The following MTUS1 variants were observed in gnomAD, a reference collection of about 807,000 sequenced individuals.
The protein encoded by MTUS1 is microtubule associated scaffold protein 1, also known as microtubule-associated tumor suppressor 1.
Under a neutral mutation model 120.8 loss-of-function variants are expected in MTUS1, and 109 were observed. The observed-to-expected ratio is 0.90, with a 90% confidence interval of 0.77 to 1.06. The LOEUF (loss-of-function observed/expected upper bound fraction) is 1.06. Ranked by LOEUF, MTUS1 falls within the 50% of genes least tolerant of loss-of-function variation. The pLI, the probability that MTUS1 is intolerant of heterozygous loss-of-function variation, is 0.00. For synonymous variants in MTUS1, 737 were observed against 550.5 expected, an observed-to-expected ratio of 1.34 and a Z score of -4.74; for missense variants, 2,210 against 1,486.3, an observed-to-expected ratio of 1.49 and a Z score of -8.01.
intron 1 of MTUS1, among the ~76,000 whole-genome samples, chr8:17,785,320 A>G (rs1408282068): frequency 6.6e-6 from 1 of 152,206 alleles, no homozygotes; most frequent in Non-Finnish European, 1.5e-5. Context: ...CTCCACTGTT[A>G]CAGATATGGA....
chr8:17,779,007 C>G (rs1419032022), intron 1 of MTUS1, among the ~76,000 whole-genome samples: 1 of 152,062 alleles, frequency 6.6e-6, no homozygotes, highest in Non-Finnish European at 1.5e-5. Context: ...AAAATAGACA[C>G]AACTATACAA....
At chr8:17,796,981 G>A (rs757366373) in intron 1 of MTUS1, among the ~76,000 whole-genome samples, 33 of 148,962 alleles carry the variant, frequency 2.2e-4, no homozygotes, top group African/African-American at 5.7e-4. Context: ...GCATGGTGGC[G>A]CACACCTGTA....
intron 4 of MTUS1, chr8:17,722,660 T>C (rs1366895163): frequency 4.4e-6 from 3 of 678,108 alleles, no homozygotes; most frequent in African/African-American, 2.0e-5. Context: ...CTACAAAAAA[T>C]GCATTCTCAA....
At position 17,796,845 on chromosome 8, in the gene MTUS1, G is replaced by A. The variant is rs539244909; in HGVS notation, c.-155+4216C>T. ...GCCGGACTTTTAGGCCAGACACAGC[G>A]GCTCACGCTTGTAATCCCAGCATTT... On this transcript the variant is annotated intron_variant, in intron 1 of 14. Coordinates refer to ENST00000693296, the MANE Select transcript of MTUS1 (RefSeq NM_001363059.2). Among the ~76,000 whole-genome samples, 9 of 152,264 alleles carry A rather than the reference G, an allele frequency of 5.9e-5. No individual in the cohort carries two copies. The South Asian group carries it at 1.9e-3, about 32-fold the overall frequency.
rs190461774 is a variant in MTUS1, at chr8:17,779,209, A to C, written c.-155+21852T>G. 4.5e-4 allele frequency among the ~76,000 whole-genome samples: 68 copies of C among 152,338 alleles called. 1 individual carries two copies. The highest frequency in any genetic ancestry group is 2.0e-3 in the Admixed American group (31 of 15,294). On this transcript the variant is annotated intron_variant, in intron 1 of 14. Transcript: ENST00000693296. ...TAGTTAACAGCAACTCAACTGTTTC[A>C]ACATGTGACGGGTGGTTACAGTTTA...
chr8:17,782,222 T>C (rs1023691552), intron 1 of MTUS1, among the ~76,000 whole-genome samples: 3 of 152,156 alleles, frequency 2.0e-5, no homozygotes, highest in Non-Finnish European at 4.4e-5. Flanking sequence ...TGTAACAGCT[T>C]TGGGAAAAGG....
intron 10 of MTUS1, 29 bp from the exon 11 acceptor site, chr8:17,653,527 C>A (rs1807513615): frequency 6.6e-7 from 1 of 1,504,578 alleles, no homozygotes. Flanking sequence ...ATTTTTGAGG[C>A]AATAACATTC....
rs56822917 is a variant in MTUS1 at position 17,756,676 on chromosome 8, C to CCCCCCA, written c.-154-716_-154-715insTGGGGG. On this transcript the variant is annotated intron_variant, in intron 1 of 14. Coordinates refer to ENST00000693296, the MANE Select transcript of MTUS1 (RefSeq NM_001363059.2). ...AATTCATATGTCAAGCCCAAACCCC[C>CCCCCCA]ACCCCTTATGTAACTATGTTGGAGA... Among the ~76,000 whole-genome samples the CCCCCCA allele has an allele frequency of 1.1e-4, 7 of 62,432 alleles. 1 individual carries two copies. Among genetic ancestry groups the CCCCCCA allele is most frequent in the Non-Finnish European group, 2.1e-4 (5 of 23,624 alleles). The allele number at this position is 62,432 out of a possible 152,430, so 41.0% of individuals were successfully genotyped here. A position where few individuals can be genotyped will look rare whatever the true frequency, so the allele number is the denominator to read the frequency against.
intron 6 of MTUS1, among the ~76,000 whole-genome samples, chr8:17,708,613 C>T (rs1820628315): frequency 6.6e-6 from 1 of 152,208 alleles, no homozygotes. Flanking sequence ...AATTTTTAAA[C>T]AAAGCCATTC....
At chr8:17,762,289 C>CAAAACA (rs1371772482) in intron 1 of MTUS1, among the ~76,000 whole-genome samples, 1 of 151,930 alleles carries the variant, frequency 6.6e-6, no homozygotes, top group Non-Finnish European at 1.5e-5. Flanking sequence ...AAAAACAAAA[C>CAAAACA]AAAACAAAAA....
chr8:17,732,794 C>A (rs1196538529), intron 3 of MTUS1, among the ~76,000 whole-genome samples: 1 of 152,144 alleles, frequency 6.6e-6, no homozygotes, highest in African/African-American at 2.4e-5. Context: ...CCTCCCTTTG[C>A]TCTCACCCCC....
At chr8:17,785,745 C>G (rs4419846) in intron 1 of MTUS1, among the ~76,000 whole-genome samples, 110,879 of 151,998 alleles carry the variant, frequency 0.73, 42,025 homozygotes, top group Non-Finnish European at 0.85. Flanking sequence ...ATCTAGATGA[C>G]AAAGGCAGAT....
At chr8:17,741,681 A>G (rs2047329440) in intron 3 of MTUS1, among the ~76,000 whole-genome samples, 2 of 152,202 alleles carry the variant, frequency 1.3e-5, no homozygotes, top group Non-Finnish European at 2.9e-5. Flanking sequence ...ATCTTTTTCA[A>G]TGTATCCTGG....
At chr8:17,764,240 T>C (rs987456908) in intron 1 of MTUS1, among the ~76,000 whole-genome samples, 2 of 152,174 alleles carry the variant, frequency 1.3e-5, no homozygotes, top group Non-Finnish European at 2.9e-5. Context: ...AAAAACTCTA[T>C]GATCTACAAA....
chr8:17,711,253 G>T (rs1821244120), intron 6 of MTUS1, among the ~76,000 whole-genome samples: 2 of 152,218 alleles, frequency 1.3e-5, no homozygotes, highest in Non-Finnish European at 2.9e-5. Flanking sequence ...GTCCTAAACA[G>T]CATCTTCTTT....
chr8:17,688,336 A>G (rs1183610267), intron 6 of MTUS1, among the ~76,000 whole-genome samples: 1 of 152,230 alleles, frequency 6.6e-6, no homozygotes, highest in Admixed American at 6.5e-5. Flanking sequence ...TCAGAGAGGC[A>G]CAAAGACACC....
chr8:17,740,776 G>A (rs1455454420), intron 3 of MTUS1, among the ~76,000 whole-genome samples: 1 of 152,190 alleles, frequency 6.6e-6, no homozygotes, highest in Non-Finnish European at 1.5e-5. Context: ...GGTGCCAGCT[G>A]ATCTGCTTCC....
chr8:17,671,576 A>G (rs1329919613), intron 8 of MTUS1, among the ~76,000 whole-genome samples: 2 of 152,250 alleles, frequency 1.3e-5, no homozygotes, highest in Non-Finnish European at 2.9e-5. Flanking sequence ...GGACACTGCC[A>G]CAGTGAGACT....
At chr8:17,696,273 G>C (rs1013405246) in intron 6 of MTUS1, among the ~76,000 whole-genome samples, 4 of 152,068 alleles carry the variant, frequency 2.6e-5, no homozygotes, top group Non-Finnish European at 5.9e-5. Context: ...TGGAAAAAAT[G>C]AGAATTCTCC....
Sources: allele counts gnomAD v4.1 joint callset (sites outside exome capture counted in the v4.1 genomes callset), GRCh38; gene constraint gnomAD v4.1.1; transcripts MANE v1.5; gene names NCBI Gene and HGNC (gene_info 2026-07-23, HGNC 2026-07-21).